The following CSTPP1 variants were observed in gnomAD, a reference collection of about 807,000 sequenced individuals.
CSTPP1 encodes the protein centriolar satellite-associated tubulin polyglutamylase complex regulator 1.
At chr11:46,944,873 T>G in the CSTPP1 span, among the ~76,000 whole-genome samples, 1 of 152,202 alleles carries the variant, frequency 6.6e-6, no homozygotes, top group African/African-American at 2.4e-5. Flanking sequence ...TGGTGTCTGT[T>G]TCTCACAGTA....
the CSTPP1 span, among the ~76,000 whole-genome samples, chr11:47,083,922 AGGTCTTT>A: frequency 8.5e-5 from 13 of 152,330 alleles, no homozygotes; most frequent in Non-Finnish European, 1.0e-4. Flanking sequence ...ATTTGTCTCC[AGGTCTTT>A]TTATGGATGT....
the CSTPP1 span, among the ~76,000 whole-genome samples, chr11:47,014,324 AAGAG>A: frequency 5.9e-5 from 9 of 151,680 alleles, no homozygotes; most frequent in Admixed American, 1.3e-4. Flanking sequence ...GAAAGAGTAA[AAGAG>A]AGAAAGAAAC....
At chr11:47,037,127 C>CA in the CSTPP1 span, among the ~76,000 whole-genome samples, 2 of 126,792 alleles carry the variant, frequency 1.6e-5, no homozygotes, top group Non-Finnish European at 3.7e-5. Flanking sequence ...GTCAAAAGGA[C>CA]ATAGAAGTCA....
the CSTPP1 span, among the ~76,000 whole-genome samples, chr11:46,966,333 G>T: frequency 1.3e-5 from 2 of 152,152 alleles, no homozygotes; most frequent in South Asian, 2.1e-4. Context: ...GAGCCACCGC[G>T]CCTGGCCCAG....
At chr11:47,013,240 T>G in the CSTPP1 span, among the ~76,000 whole-genome samples, 2 of 149,068 alleles carry the variant, frequency 1.3e-5, no homozygotes, top group African/African-American at 5.1e-5. Flanking sequence ...TATTTATTGT[T>G]GTTGTTTTGT....
the CSTPP1 span, among the ~76,000 whole-genome samples, chr11:47,026,042 T>G: frequency 6.6e-6 from 1 of 152,164 alleles, no homozygotes; most frequent in Non-Finnish European, 1.5e-5. Flanking sequence ...CACCTGTGAC[T>G]AAACTCAGCT....
At chr11:47,033,722 A>G in the CSTPP1 span, among the ~76,000 whole-genome samples, 1 of 152,326 alleles carries the variant, frequency 6.6e-6, no homozygotes, top group South Asian at 2.1e-4. Flanking sequence ...GGCATCTTCA[A>G]TGGTGTAATC....
At chr11:47,164,153 C>T in the CSTPP1 span, 5 of 1,613,856 alleles carry the variant, frequency 3.1e-6, no homozygotes, top group Admixed American at 8.3e-5. Context: ...AGCCAGGGGC[C>T]TTTGGCTTTC....
the CSTPP1 span, among the ~76,000 whole-genome samples, chr11:47,104,324 AT>A: frequency 2.6e-5 from 4 of 151,998 alleles, no homozygotes; most frequent in African/African-American, 4.8e-5. Context: ...AATCTAACAC[AT>A]TGTCCTTTTC....
chr11:46,978,077 T>C, the CSTPP1 span, among the ~76,000 whole-genome samples: 1 of 152,356 alleles, frequency 6.6e-6, no homozygotes, highest in South Asian at 2.1e-4. Context: ...TGGATACAGT[T>C]TGTATGTTCA....
chr11:47,073,658 T>C, the CSTPP1 span, among the ~76,000 whole-genome samples: 2 of 152,144 alleles, frequency 1.3e-5, no homozygotes, highest in East Asian at 3.8e-4. Flanking sequence ...AAAGTGATAA[T>C]AATAATGCTT....
the CSTPP1 span, among the ~76,000 whole-genome samples, chr11:47,139,003 A>AC: frequency 6.6e-6 from 1 of 150,398 alleles, no homozygotes; most frequent in Admixed American, 6.6e-5. Flanking sequence ...AAAAAAAAAA[A>AC]AAAAAAAAAC....
chr11:46,953,564 C>A, the CSTPP1 span, among the ~76,000 whole-genome samples: 5 of 152,170 alleles, frequency 3.3e-5, no homozygotes, highest in Admixed American at 3.3e-4. Context: ...GCCTAACCAA[C>A]AAACTGTTAT....
the CSTPP1 span, among the ~76,000 whole-genome samples, chr11:47,076,033 G>C: frequency 2.6e-5 from 4 of 151,482 alleles, no homozygotes; most frequent in Admixed American, 2.6e-4. Flanking sequence ...ATCATTATGA[G>C]GAGCAATTAG....
At chr11:47,120,908 TAC>T in the CSTPP1 span, among the ~76,000 whole-genome samples, 2 of 152,254 alleles carry the variant, frequency 1.3e-5, no homozygotes, top group African/African-American at 4.8e-5. This position sits in a 1 kb window ranked among gnomAD's most constrained non-coding sequence, Gnocchi z 4.2. Flanking sequence ...AGAAGAGTTT[TAC>T]AGTTTTACAG....
the CSTPP1 span, among the ~76,000 whole-genome samples, chr11:47,002,690 G>T: frequency 6.7e-6 from 1 of 150,324 alleles, no homozygotes; most frequent in Non-Finnish European, 1.5e-5. Flanking sequence ...CATTCAATAA[G>T]AGGAAATGAA....
chr11:47,119,131 C>T, the CSTPP1 span, among the ~76,000 whole-genome samples: 282 of 152,360 alleles, frequency 1.9e-3, no homozygotes, highest in Non-Finnish European at 3.2e-3. Context: ...GCTTCCCAGC[C>T]GCTCTGTTTA....
the CSTPP1 span, among the ~76,000 whole-genome samples, chr11:47,151,597 C>CG: frequency 0.98 from 147,863 of 150,216 alleles, 72,817 homozygotes; most frequent in Middle Eastern, 1. Flanking sequence ...CAGAGGGTGG[C>CG]GGGGGGAAGT....
chr11:47,026,439 T>TA, the CSTPP1 span, among the ~76,000 whole-genome samples: 1 of 152,076 alleles, frequency 6.6e-6, no homozygotes, highest in African/African-American at 2.4e-5. Flanking sequence ...TAATTGTTGT[T>TA]ATTTTTTTTT....
Sources: gnomAD v4.1 joint callset for allele counts (sites outside exome capture counted in the v4.1 genomes callset) on GRCh38, gnomAD v4.1.1 for gene constraint, Gnocchi (gnomAD v3.1) non-coding constraint, MANE v1.5 for transcripts, NCBI Gene and HGNC (gene_info 2026-07-23, HGNC 2026-07-21) for gene names.